Variants in PIP5K1B observed in about 807,000 individuals in gnomAD.
The protein encoded by PIP5K1B is phosphatidylinositol 4-phosphate 5-kinase type-1 beta.
A neutral mutation model predicts 67.0 loss-of-function variants in PIP5K1B; 42 were observed. That is an observed-to-expected ratio of 0.63 (90% CI 0.49 to 0.81). PIP5K1B has a LOEUF of 0.81. Among genes scored for constraint, PIP5K1B ranks in the 30% least tolerant of loss-of-function variants. PIP5K1B has a pLI of 0.00. For missense variants in PIP5K1B, 459 were observed against 646.3 expected, an observed-to-expected ratio of 0.71 and a Z score of 3.14; for synonymous variants, 214 against 231.4, an observed-to-expected ratio of 0.92 and a Z score of 0.68.
At chr9:68,988,101 G>A (rs944844101) in intron 14 of PIP5K1B, among the ~76,000 whole-genome samples, 1 of 152,084 alleles carries the variant, frequency 6.6e-6, no homozygotes, top group African/African-American at 2.4e-5. Flanking sequence ...GGAATGACTT[G>A]TATGCAATTT....
intron 1 of PIP5K1B, among the ~76,000 whole-genome samples, chr9:68,713,627 C>T (rs1564083010): frequency 6.6e-6 from 1 of 152,148 alleles, no homozygotes; most frequent in Non-Finnish European, 1.5e-5. Context: ...AAAAATTCTC[C>T]CTCTGCCAGT....
At chr9:68,919,416 A>AT in intron 9 of PIP5K1B, 63 bp from the exon 10 acceptor site, 2 of 787,040 alleles carry the variant, frequency 2.5e-6, no homozygotes, top group South Asian at 1.9e-5. Flanking sequence ...ATTAGAAATG[A>AT]TTTTTTAACT....
At chr9:68,878,213 C>A (rs1031680235) in intron 6 of PIP5K1B, among the ~76,000 whole-genome samples, 1 of 152,292 alleles carries the variant, frequency 6.6e-6, no homozygotes, top group African/African-American at 2.4e-5. Flanking sequence ...GATTCTCTTT[C>A]TGAATTTCCT....
At chr9:68,809,499 A>G (rs1833044742) in intron 2 of PIP5K1B, among the ~76,000 whole-genome samples, 1 of 152,188 alleles carries the variant, frequency 6.6e-6, no homozygotes, top group Admixed American at 6.5e-5. Flanking sequence ...AAAATTTAAG[A>G]GGGACTTACG....
intron 4 of PIP5K1B, among the ~76,000 whole-genome samples, chr9:68,852,073 G>A (rs1420842466): frequency 6.6e-6 from 1 of 152,280 alleles, no homozygotes; most frequent in South Asian, 2.1e-4. Flanking sequence ...CAGGTGAGGG[G>A]CAAGGGGAGG....
chr9:68,942,807 G>A (rs1245018647), intron 14 of PIP5K1B, among the ~76,000 whole-genome samples: 1 of 152,122 alleles, frequency 6.6e-6, no homozygotes, highest in Non-Finnish European at 1.5e-5. Flanking sequence ...AATGCAATTT[G>A]ATATCTTATA....
At chr9:69,001,251 G>T (rs1449675720) in intron 15 of PIP5K1B, among the ~76,000 whole-genome samples, 1 of 151,792 alleles carries the variant, frequency 6.6e-6, no homozygotes, top group African/African-American at 2.4e-5. Context: ...CTTGGCAGAG[G>T]GCCTCTGGTG....
intron 14 of PIP5K1B, among the ~76,000 whole-genome samples, chr9:68,968,954 A>T (rs1470699411): frequency 6.6e-6 from 1 of 152,084 alleles, no homozygotes; most frequent in Non-Finnish European, 1.5e-5. Flanking sequence ...TTATATATTT[A>T]CTATCCAGAC....
chr9:68,804,588 ATTTT>A (rs66469506), intron 2 of PIP5K1B, among the ~76,000 whole-genome samples: 8 of 125,486 alleles, frequency 6.4e-5, no homozygotes, highest in Admixed American at 7.9e-5. Context: ...CTAGTTTTCA[ATTTT>A]TTTTTTTTTT....
chr9:68,889,652 A>G (rs963931979), intron 7 of PIP5K1B, among the ~76,000 whole-genome samples: 5 of 150,822 alleles, frequency 3.3e-5, no homozygotes, highest in Non-Finnish European at 5.9e-5. Flanking sequence ...GGAGAATGGC[A>G]TGAACCCGGG....
chr9:68,877,189 C>T (rs113000265), intron 6 of PIP5K1B, among the ~76,000 whole-genome samples: 2 of 152,168 alleles, frequency 1.3e-5, no homozygotes, highest in Non-Finnish European at 2.9e-5. Context: ...ATCATTTCAC[C>T]TTGACCTACA....
intron 14 of PIP5K1B, among the ~76,000 whole-genome samples, chr9:68,963,507 A>G (rs1413860100): frequency 1.3e-5 from 2 of 148,320 alleles, no homozygotes; most frequent in Non-Finnish European, 3.0e-5. Context: ...TGTCTCAGAA[A>G]AAAAAAAAAA....
intron 2 of PIP5K1B, among the ~76,000 whole-genome samples, chr9:68,745,912 A>C (rs1238589321): frequency 5.9e-5 from 9 of 152,172 alleles, no homozygotes; most frequent in Non-Finnish European, 8.8e-5. Flanking sequence ...TTACTCTCAC[A>C]TCAAATGGTA....
intron 15 of PIP5K1B, among the ~76,000 whole-genome samples, chr9:68,996,984 A>G (rs1292338640): frequency 6.6e-6 from 1 of 152,228 alleles, no homozygotes; most frequent in African/African-American, 2.4e-5. Context: ...TGTTTGAAAT[A>G]CAAAAATAGC....
intron 2 of PIP5K1B, among the ~76,000 whole-genome samples, chr9:68,801,850 G>A (rs767301220): frequency 1.3e-5 from 2 of 152,172 alleles, no homozygotes; most frequent in Non-Finnish European, 2.9e-5. Context: ...GAATGATGGG[G>A]GTTTGCCCCA....
chr9:68,953,040 TCTAAA>T (rs1353811061), intron 14 of PIP5K1B, among the ~76,000 whole-genome samples: 1 of 152,144 alleles, frequency 6.6e-6, no homozygotes, highest in Non-Finnish European at 1.5e-5. Context: ...GGGGAAATTT[TCTAAA>T]CTATTTTCTT....
intron 4 of PIP5K1B, chr9:68,824,292 T>C: frequency 1.9e-6 from 1 of 516,814 alleles, no homozygotes; most frequent in South Asian, 1.4e-5. Context: ...CCTTTGTCGC[T>C]GCAAAAGTTA....
At chr9:68,990,346 G>C (rs1193054075) in intron 14 of PIP5K1B, among the ~76,000 whole-genome samples, 1 of 151,844 alleles carries the variant, frequency 6.6e-6, no homozygotes, top group Non-Finnish European at 1.5e-5. Flanking sequence ...GCCCACCAGG[G>C]GATTCTGAGG....
chr9:68,918,952 G>A (rs543283672), intron 9 of PIP5K1B, among the ~76,000 whole-genome samples: 3 of 152,044 alleles, frequency 2.0e-5, no homozygotes, highest in Non-Finnish European at 4.4e-5. Flanking sequence ...ACCTTTTCTT[G>A]ACTAATAAAT....
Sources: gnomAD v4.1 joint callset for allele counts (sites outside exome capture counted in the v4.1 genomes callset) on GRCh38, gnomAD v4.1.1 for gene constraint, MANE v1.5 for transcripts, NCBI Gene and HGNC (gene_info 2026-07-23, HGNC 2026-07-21) for gene names.